The following PLCE1 variants were observed in gnomAD, a reference collection of about 807,000 sequenced individuals.
The protein encoded by PLCE1 is 1-phosphatidylinositol 4,5-bisphosphate phosphodiesterase epsilon-1.
A neutral mutation model predicts 242.8 loss-of-function variants in PLCE1; 119 were observed. The ratio of observed to expected loss-of-function variants is 0.49; its 90% CI spans 0.42 to 0.57. The LOEUF is 0.57. Among genes scored for constraint, PLCE1 ranks in the 20% least tolerant of loss-of-function variants. The pLI is 0.00. For missense variants in PLCE1, 2,441 were observed against 2,788.8 expected, an observed-to-expected ratio of 0.88 and a Z score of 2.81; for synonymous variants, 945 against 1,017.4, an observed-to-expected ratio of 0.93 and a Z score of 1.35.
intron 1 of PLCE1, among the ~76,000 whole-genome samples, chr10:93,994,963 C>T (rs2060793251): frequency 6.6e-6 from 1 of 152,188 alleles, no homozygotes; most frequent in Admixed American, 6.5e-5. Context: ...TTTATTTGCA[C>T]GAAGGTCATA....
chr10:94,259,513 T>C (rs2051221031), intron 13 of PLCE1, among the ~76,000 whole-genome samples: 1 of 152,178 alleles, frequency 6.6e-6, no homozygotes, highest in Non-Finnish European at 1.5e-5. Context: ...CTCGATCTCC[T>C]GACCTCGTGA....
intron 2 of PLCE1, among the ~76,000 whole-genome samples, chr10:94,032,817 T>A (rs903893723): frequency 7.9e-5 from 12 of 152,154 alleles, no homozygotes; most frequent in Non-Finnish European, 1.3e-4. Flanking sequence ...ATGATTTTTT[T>A]AAATTAACCT....
intron 3 of PLCE1, among the ~76,000 whole-genome samples, chr10:94,134,224 G>A (rs1042897026): frequency 4.0e-5 from 6 of 151,344 alleles, no homozygotes; most frequent in Middle Eastern, 3.4e-3. Flanking sequence ...TCAGCCTCCC[G>A]AGTAGCTGGG....
At chr10:94,236,942 T>C (rs1209951469) in intron 7 of PLCE1, among the ~76,000 whole-genome samples, 2 of 152,040 alleles carry the variant, frequency 1.3e-5, no homozygotes, top group Non-Finnish European at 2.9e-5. Context: ...CTATGAATAA[T>C]TGAGGATATT....
chr10:94,022,090 A>G (rs1343586092), intron 1 of PLCE1, among the ~76,000 whole-genome samples: 1 of 152,016 alleles, frequency 6.6e-6, no homozygotes, highest in Non-Finnish European at 1.5e-5. Flanking sequence ...TTACCTTTGG[A>G]AAGAAAGAAG....
At position 94,283,925 on chromosome 10, in the gene PLCE1, T is replaced by G; in HGVS notation, c.4917+14T>G. 6.2e-7 allele frequency: 1 copy of G among 1,608,398 alleles called. No individual in the cohort carries two copies. The highest frequency in any genetic ancestry group is 8.5e-7 in the Non-Finnish European group (1 of 1,176,298). On this transcript the variant is annotated intron_variant, in intron 21 of 32. Transcript: ENST00000371380. ...AACAAAGGAAAGGTGGGTGAACGGT[T>G]TCTGTTAAATGACACTTTGACCATG...
intron 3 of PLCE1, among the ~76,000 whole-genome samples, chr10:94,170,801 C>T (rs2136314010): frequency 6.6e-6 from 1 of 152,264 alleles, no homozygotes; most frequent in African/African-American, 2.4e-5. Context: ...TTTAAGTTGG[C>T]TATGCTTATA....
At chr10:94,176,063 T>C (rs1184778058) in intron 4 of PLCE1, among the ~76,000 whole-genome samples, 2 of 152,160 alleles carry the variant, frequency 1.3e-5, no homozygotes, top group African/African-American at 2.4e-5. Context: ...GTTTTCTTTC[T>C]TTGGGGTATA....
intron 7 of PLCE1, among the ~76,000 whole-genome samples, chr10:94,241,718 C>T (rs954090461): frequency 3.6e-5 from 5 of 139,750 alleles, no homozygotes; most frequent in African/African-American, 7.9e-5. Context: ...ACCTGGGAGG[C>T]GGAGGTTGCA....
intron 2 of PLCE1, among the ~76,000 whole-genome samples, chr10:94,128,074 G>A (rs1017021786): frequency 6.8e-6 from 1 of 146,940 alleles, no homozygotes; most frequent in Non-Finnish European, 1.5e-5. Context: ...TGCAACCTTC[G>A]CCTCCTGGGT....
intron 3 of PLCE1, among the ~76,000 whole-genome samples, chr10:94,164,050 G>C: frequency 6.6e-6 from 1 of 152,072 alleles, no homozygotes; most frequent in Non-Finnish European, 1.5e-5. Context: ...TCCCTTTGTG[G>C]GTAACCCGAC....
rs542255961 is a variant in PLCE1, at chr10:94,147,267, C to T, written c.1492+14808C>T. On this transcript the variant is annotated intron_variant, in intron 3 of 32. Coordinates refer to ENST00000371380, the MANE Select transcript of PLCE1 (RefSeq NM_016341.4). ...GGAAACTCTGTCTCTACTAAAACTA[C>T]AAAAATCAGCCAGGTATGGTGGTAG... Among the ~76,000 whole-genome samples the T allele has an allele frequency of 2.6e-5, 4 of 152,100 alleles. No homozygotes were observed. The South Asian group carries it at 8.3e-4, about 32-fold the overall frequency.
intron 2 of PLCE1, among the ~76,000 whole-genome samples, chr10:94,098,610 T>C (rs1352851354): frequency 3.9e-5 from 6 of 152,236 alleles, no homozygotes; most frequent in Non-Finnish European, 8.8e-5. Context: ...GTCCAAATAT[T>C]ACATTTGACT....
intron 4 of PLCE1, among the ~76,000 whole-genome samples, chr10:94,196,885 G>C (rs759564292): frequency 6.6e-6 from 1 of 152,174 alleles, no homozygotes; most frequent in Middle Eastern, 3.4e-3. Flanking sequence ...ACAGGTCAGT[G>C]GCTTTTTTCA....
chr10:94,262,861 G>GTT (rs11307441), intron 14 of PLCE1, 129 bp downstream of exon 14: 388 of 676,518 alleles, frequency 5.7e-4, no homozygotes, highest in Admixed American at 6.3e-4. Context: ...ATACAGTTTT[G>GTT]TTTTTTTTTT....
chr10:94,283,218 CACTT>C (rs1160089941), intron 20 of PLCE1: 4 of 152,774 alleles, frequency 2.6e-5, no homozygotes, highest in Non-Finnish European at 5.8e-5. Flanking sequence ...TTATGATTAT[CACTT>C]AGTAAATTAA....
At chr10:94,262,822 T>C in intron 14 of PLCE1, 90 bp downstream of exon 14, 1 of 962,366 alleles carries the variant, frequency 1.0e-6, no homozygotes, top group Non-Finnish European at 1.7e-6. Flanking sequence ...TCTATACTTC[T>C]TTCCAAAGCC....
intron 1 of PLCE1, among the ~76,000 whole-genome samples, chr10:94,027,632 T>C (rs1031125674): frequency 6.6e-6 from 1 of 152,030 alleles, no homozygotes; most frequent in Non-Finnish European, 1.5e-5. Flanking sequence ...CCATCCTGGC[T>C]AACATGGTGA....
intron 20 of PLCE1, chr10:94,283,358 A>C (rs1043898044): frequency 1.2e-5 from 2 of 164,392 alleles, no homozygotes; most frequent in African/African-American, 2.4e-5. Flanking sequence ...CTTCATTTCA[A>C]AGTGAGAGTG....
Sources: allele counts gnomAD v4.1 joint callset (sites outside exome capture counted in the v4.1 genomes callset), GRCh38; gene constraint gnomAD v4.1.1; transcripts MANE v1.5; gene names NCBI Gene and HGNC (gene_info 2026-07-23, HGNC 2026-07-21).